LAMA2: variants seen among roughly 807,000 people sequenced by gnomAD.
The protein encoded by LAMA2 is laminin subunit alpha 2.
LAMA2 carries 269 observed loss-of-function variants against 364.8 expected under a neutral mutation model. That is an observed-to-expected ratio of 0.74 (90% CI 0.67 to 0.82). LAMA2 has a LOEUF of 0.82. LAMA2 is among the 40% of genes least tolerant of loss of function. LAMA2 has a pLI of 0.00. For synonymous variants in LAMA2, 1,379 were observed against 1,370.6 expected (o/e 1.01, Z -0.14); for missense variants, 3,807 against 3,873.2 (o/e 0.98, Z 0.45).
chr6:128,976,323 A>G (rs1782526574), intron 1 of LAMA2, among the ~76,000 whole-genome samples: 1 of 152,190 alleles, frequency 6.6e-6, no homozygotes, highest in South Asian at 2.1e-4. Flanking sequence ...AGTTCCTGAT[A>G]GATAGCCATG....
chr6:129,250,046 T>C, intron 12 of LAMA2, 66 bp from the exon 13 acceptor site: 1 of 960,598 alleles, frequency 1.0e-6, no homozygotes, highest in Middle Eastern at 2.1e-4. Context: ...TATACAACAG[T>C]AAGTAAAATA....
chr6:128,962,573 T>C (rs1260336704), intron 1 of LAMA2, among the ~76,000 whole-genome samples: 1 of 152,118 alleles, frequency 6.6e-6, no homozygotes, highest in East Asian at 1.9e-4. Flanking sequence ...CAGAGTGTTA[T>C]TAGAAGTTAG....
At chr6:129,253,900 G>A (rs1457767864) in intron 14 of LAMA2, among the ~76,000 whole-genome samples, 1 of 152,158 alleles carries the variant, frequency 6.6e-6, no homozygotes, top group Non-Finnish European at 1.5e-5. Context: ...CAAGTAGGTG[G>A]CTACTTTCTG....
chr6:129,158,082 G>T, intron 8 of LAMA2: 5 of 1,612,210 alleles, frequency 3.1e-6, no homozygotes, highest in Non-Finnish European at 4.2e-6. Flanking sequence ...ATACGTTTCT[G>T]TGTGCAGGTG....
rs536951410 is a variant in LAMA2, at chr6:129,021,840, A to C, written c.113-28078A>C. Among the ~76,000 whole-genome samples the C allele has an allele frequency of 2.0e-5, 3 of 152,362 alleles. No individual in the cohort carries two copies. The South Asian group carries it at 6.2e-4, about 32-fold the overall frequency. On this transcript the variant is annotated intron_variant, in intron 1 of 64. Transcript: ENST00000421865. ...TATTTCTTTAGGGACTGCAGGTTTT[A>C]CAAAGAGATGAAGACTAATTCGGAA...
At chr6:129,042,657 T>G (rs1172638204) in intron 1 of LAMA2, among the ~76,000 whole-genome samples, 4 of 152,166 alleles carry the variant, frequency 2.6e-5, no homozygotes, top group African/African-American at 9.7e-5. Context: ...TTTATGCCTC[T>G]TCCCAGTCAG....
intron 45 of LAMA2, among the ~76,000 whole-genome samples, chr6:129,451,383 G>A (rs1406390645): frequency 6.6e-6 from 1 of 152,148 alleles, no homozygotes; most frequent in East Asian, 1.9e-4. Context: ...CCTGCACCCA[G>A]CAGTTGGCAG....
At chr6:128,951,018 A>G (rs1430823020) in intron 1 of LAMA2, among the ~76,000 whole-genome samples, 1 of 152,152 alleles carries the variant, frequency 6.6e-6, no homozygotes, top group African/African-American at 2.4e-5. Context: ...TTGGGTATCC[A>G]GGATAGAGAA....
chr6:129,020,624 C>A (rs1162590709), intron 1 of LAMA2, among the ~76,000 whole-genome samples: 1 of 152,104 alleles, frequency 6.6e-6, no homozygotes, highest in African/African-American at 2.4e-5. Context: ...CAGAAGAACA[C>A]GTGAAAAGGT....
At chr6:128,969,638 C>T (rs1384664643) in intron 1 of LAMA2, among the ~76,000 whole-genome samples, 1 of 152,024 alleles carries the variant, frequency 6.6e-6, no homozygotes, top group African/African-American at 2.4e-5. Flanking sequence ...ACCATGTTGT[C>T]CAGGCTGTTC....
chr6:129,135,742 G>A (rs1211125036), intron 4 of LAMA2, among the ~76,000 whole-genome samples: 1 of 152,146 alleles, frequency 6.6e-6, no homozygotes, highest in Non-Finnish European at 1.5e-5. Context: ...ACTCCTCTTA[G>A]ATTCTTTCCT....
chr6:129,464,465 T>C lies in LAMA2; in HGVS notation c.7155+13T>C, dbSNP rs766105433. On this transcript the variant is annotated intron_variant, in intron 50 of 64. Transcript: ENST00000421865. ...CACACGAGACCTGGTAAAGATCATA[T>C]GCATAGCAGAGTTTCCGTGACTAAA... 4.2e-5 allele frequency: 68 copies of C among 1,606,384 alleles called. No homozygotes were observed. Among genetic ancestry groups the C allele is most frequent in the Non-Finnish European group, 5.5e-5 (65 of 1,173,422 alleles).
intron 27 of LAMA2, 124 bp from the exon 28 acceptor site, chr6:129,320,414 A>G: frequency 1.3e-6 from 1 of 745,568 alleles, no homozygotes; most frequent in Non-Finnish European, 2.5e-6. Context: ...TAAAAACAAA[A>G]AGACAATAGA....
At chr6:129,264,968 A>G (rs898456024) in intron 15 of LAMA2, among the ~76,000 whole-genome samples, 2 of 152,174 alleles carry the variant, frequency 1.3e-5, no homozygotes, top group Admixed American at 6.6e-5. Flanking sequence ...GAAAAGTTAT[A>G]TGAGGCTAAG....
chr6:129,181,870 T>C (rs185637168), intron 10 of LAMA2, among the ~76,000 whole-genome samples: 1 of 151,960 alleles, frequency 6.6e-6, no homozygotes, highest in African/African-American at 2.4e-5. Context: ...AGTCTACCCC[T>C]AGTAGAAAAC....
At position 128,967,814 on chromosome 6, in the gene LAMA2, C is replaced by T. The variant is rs11961290; in HGVS notation, c.113-82104C>T. 4.3e-3 allele frequency among the ~76,000 whole-genome samples: 649 copies of T among 152,210 alleles called. 4 individuals are homozygous for T. The highest frequency in any genetic ancestry group is 0.015 in the African/African-American group (623 of 41,518). Reference sequence around the variant, plus strand: ...CCTCAGATTATTTCTATTAATTACACCTCAGATTATTTCTATTACACCTCA... The same window carrying T: ...CCTCAGATTATTTCTATTAATTACATCTCAGATTATTTCTATTACACCTCA... On this transcript the variant is annotated intron_variant, in intron 1 of 64. Transcript: ENST00000421865.
intron 2 of LAMA2, among the ~76,000 whole-genome samples, chr6:129,052,328 TTA>T (rs1378203746): frequency 6.7e-6 from 1 of 149,152 alleles, no homozygotes; most frequent in Non-Finnish European, 1.5e-5. Flanking sequence ...TTTTGTATTT[TTA>T]GTTGAGACGG....
At chr6:129,308,145 C>T (rs1773994222) in intron 22 of LAMA2, among the ~76,000 whole-genome samples, 1 of 152,180 alleles carries the variant, frequency 6.6e-6, no homozygotes, top group Non-Finnish European at 1.5e-5. Flanking sequence ...CTGGACAGGA[C>T]ATTCATTTTT....
intron 37 of LAMA2, among the ~76,000 whole-genome samples, chr6:129,397,474 A>G (rs2114683806): frequency 6.6e-6 from 1 of 152,264 alleles, no homozygotes; most frequent in South Asian, 2.1e-4. Flanking sequence ...CAATCCTAGA[A>G]CAGTATCTAG....
Sources: gnomAD v4.1 joint callset for allele counts (sites outside exome capture counted in the v4.1 genomes callset) on GRCh38, gnomAD v4.1.1 for gene constraint, MANE v1.5 for transcripts, NCBI Gene and HGNC (gene_info 2026-07-23, HGNC 2026-07-21) for gene names.